ZNF382: variants seen among roughly 807,000 people sequenced by gnomAD.
The protein encoded by ZNF382 is KRAB/zinc finger suppressor protein 1.
In ZNF382, 20 loss-of-function variants were observed where a neutral mutation model predicts 38.8. The ratio of observed to expected loss-of-function variants is 0.51; its 90% CI spans 0.36 to 0.75. ZNF382 has a LOEUF of 0.75. ZNF382 is among the 30% of genes least tolerant of loss of function. The pLI is 0.00. For synonymous variants in ZNF382, 202 were observed against 223.1 expected (o/e 0.91, Z 0.84); for missense variants, 546 against 654.1 (o/e 0.83, Z 1.80).
intron 1 of ZNF382, among the ~76,000 whole-genome samples, chr19:36,607,074 T>C (rs1277699267): frequency 2.9e-5 from 4 of 137,420 alleles, no homozygotes; most frequent in African/African-American, 5.5e-5. Context: ...TGAAACTCTG[T>C]CTCAAAAAAA....
intron 4 of ZNF382, 40 bp downstream of exon 4, chr19:36,610,782 A>C: frequency 6.9e-7 from 1 of 1,455,284 alleles, no homozygotes; most frequent in African/African-American, 1.4e-5. Flanking sequence ...TTAAATGTCA[A>C]GTAGTTGAAG....
At chr19:36,617,309 A>G (rs2037132947) in intron 4 of ZNF382, among the ~76,000 whole-genome samples, 2 of 152,186 alleles carry the variant, frequency 1.3e-5, no homozygotes, top group African/African-American at 4.8e-5. Context: ...CCAACTTCAT[A>G]TAAACAAGAG....
In ZNF382 at chr19:36,626,672, C is replaced by A; in HGVS notation, c.775C>A (p.Pro259Thr). The A allele has an allele frequency of 6.2e-7, 1 of 1,613,972 alleles. No individual in the cohort carries two copies. Among genetic ancestry groups the A allele is most frequent in the Non-Finnish European group, 8.5e-7 (1 of 1,180,002 alleles). The change falls in exon 5 of 5, where the codon CCA (proline) becomes ACA (threonine). Residue 259 changes from proline to threonine, a missense_variant. Pro to Thr is a conservative substitution (Grantham distance 38, BLOSUM62 -1). Transcript: ENST00000292928. ...FIEKSSLSVH[P>T]SNLMEKKPSA... ...AGAAAAGTCAAGCCTCAGTGTCCAT[C>A]CAAGTAATCTTATGGAAAAGAAGCC...
rs761340724 is a variant in ZNF382 at position 36,610,677 on chromosome 19, T to C, written c.167T>C (p.Ile56Thr). 6.2e-7 allele frequency: 1 copy of C among 1,613,482 alleles called. No homozygotes were observed. ...TTTCACATGGCTAAGCCTGATATGA[T>C]CCGCAAGTTGGAACAAGGAGAAGAG... is the stretch of plus-strand genomic sequence containing the variant. ...VGFHMAKPDMIRKLEQGEELW... is the reference protein window; with the variant it reads ...VGFHMAKPDMTRKLEQGEELW... Residue 56 changes from isoleucine to threonine, a missense_variant, in exon 4 of 5, where the codon ATC becomes ACC. Ile to Thr is a moderately conservative substitution (Grantham distance 89). Coordinates refer to ENST00000292928, the MANE Select transcript of ZNF382 (RefSeq NM_032825.5).
chr19:36,618,348 T>C (rs1025411521), intron 4 of ZNF382, among the ~76,000 whole-genome samples: 2 of 152,226 alleles, frequency 1.3e-5, no homozygotes, highest in Non-Finnish European at 2.9e-5. Context: ...CTAGCTTTCT[T>C]TCCTCTTTGG....
chr19:36,620,639 T>C (rs1568630397), intron 4 of ZNF382, among the ~76,000 whole-genome samples: 1 of 152,248 alleles, frequency 6.6e-6, no homozygotes, highest in Non-Finnish European at 1.5e-5. Context: ...ACTGTAGTGG[T>C]ATATTTTAAT....
chr19:36,624,359 A>G (rs2145333253), intron 4 of ZNF382, among the ~76,000 whole-genome samples: 1 of 152,302 alleles, frequency 6.6e-6, no homozygotes, highest in South Asian at 2.1e-4. Context: ...TCTATTGTGT[A>G]ATACATGACA....
chr19:36,610,194 G>A (rs1428961213), intron 3 of ZNF382, 141 bp downstream of exon 3: 24 of 1,064,024 alleles, frequency 2.3e-5, no homozygotes, highest in Non-Finnish European at 2.9e-5. Context: ...AGTGGCTCAC[G>A]CCTGTAATCC....
chr19:36,607,841 C>T (rs1239916942), intron 2 of ZNF382: 1 of 521,434 alleles, frequency 1.9e-6, no homozygotes. Flanking sequence ...TTCTAGGTGC[C>T]TCACCTGCCT....
chr19:36,627,569 TA>T lies in ZNF382; in HGVS notation c.*26del. 1 of 1,564,264 alleles carries T rather than the reference TA, an allele frequency of 6.4e-7. No homozygotes were observed. Among genetic ancestry groups the T allele is most frequent in the Non-Finnish European group, 8.8e-7 (1 of 1,141,466 alleles). On this transcript the variant is annotated 3_prime_UTR_variant, in exon 5 of 5. Transcript: ENST00000292928. ...TCAGTAAGTAATGTGGCTTTTTTTG[TA>T]AAAAAATGTTAAGTCATAGTAAACC...
chr19:36,617,469 G>A (rs2037134187), intron 4 of ZNF382, among the ~76,000 whole-genome samples: 1 of 152,162 alleles, frequency 6.6e-6, no homozygotes, highest in Admixed American at 6.5e-5. Context: ...TGAAGACCAA[G>A]GCTCAAAAGG....
intron 4 of ZNF382, among the ~76,000 whole-genome samples, chr19:36,612,887 G>T (rs2037089989): frequency 6.6e-6 from 1 of 152,136 alleles, no homozygotes; most frequent in Admixed American, 6.6e-5. Context: ...TGCCTCCCGG[G>T]TTCAAGCAAT....
At chr19:36,625,249 G>T (rs867590246) in intron 4 of ZNF382, among the ~76,000 whole-genome samples, 1 of 150,690 alleles carries the variant, frequency 6.6e-6, no homozygotes, top group African/African-American at 2.4e-5. Context: ...AATAAATTAC[G>T]GTTATATGGA....
chr19:36,626,041 G>A, intron 4 of ZNF382, 89 bp from the exon 5 acceptor site: 1 of 889,558 alleles, frequency 1.1e-6, no homozygotes, highest in Non-Finnish European at 1.6e-6. Flanking sequence ...TCACGGTAGT[G>A]AGATAGTCCC....
At position 36,627,423 on chromosome 19, in the gene ZNF382, G is replaced by A. The variant is rs761308870; in HGVS notation, c.1526G>A (p.Arg509His). 6.2e-6 allele frequency: 10 copies of A among 1,613,650 alleles called. No individual in the cohort carries two copies. The highest frequency in any genetic ancestry group is 5.1e-6 in the Non-Finnish European group (6 of 1,179,942). ...KAFSRKSNLI[R>H]HQKTHTGEKP... ...TTCAGTAGGAAATCAAACCTCATTC[G>A]CCATCAGAAAACTCACACAGGCGAG... Residue 509 changes from arginine to histidine, a missense_variant, in exon 5 of 5, where the codon CGC becomes CAC. Coordinates refer to ENST00000292928, the MANE Select transcript of ZNF382 (RefSeq NM_032825.5).
In ZNF382 at chr19:36,632,646, G is replaced by A. The variant is rs765833082; in HGVS notation, c.*5096G>A. The stretch of plus-strand genomic sequence containing the variant: ...AATATCAGACTTTAACTAGTACCTT[G>A]TATAGCTCACTGGCCTTATCCCAAC... On this transcript the variant is annotated 3_prime_UTR_variant, in exon 5 of 5. Coordinates refer to ENST00000292928, the MANE Select transcript of ZNF382 (RefSeq NM_032825.5). 6.6e-6 allele frequency: 1 copy of A among 152,324 alleles called. No homozygotes were observed. The highest frequency in any genetic ancestry group is 6.5e-5 in the Admixed American group (1 of 15,300). The allele number at this position is 152,324 out of a possible 1,614,324, so 9.4% of individuals were successfully genotyped here.
At chr19:36,613,004 G>A (rs866482293) in intron 4 of ZNF382, among the ~76,000 whole-genome samples, 1 of 152,082 alleles carries the variant, frequency 6.6e-6, no homozygotes, top group South Asian at 2.1e-4. Context: ...TTTTGGCCAG[G>A]CTGGTCTCAA....
At chr19:36,606,574 T>G (rs1446071250) in intron 1 of ZNF382, among the ~76,000 whole-genome samples, 1 of 151,444 alleles carries the variant, frequency 6.6e-6, no homozygotes. Flanking sequence ...CAGGCTGGTC[T>G]TGAACTCCTG....
intron 4 of ZNF382, among the ~76,000 whole-genome samples, chr19:36,625,421 T>G (rs1307908982): frequency 6.6e-6 from 1 of 151,946 alleles, no homozygotes; most frequent in African/African-American, 2.4e-5. Context: ...GCTTTTCATC[T>G]CTTCCTAAAT....
Sources: allele counts gnomAD v4.1 joint callset (sites outside exome capture counted in the v4.1 genomes callset), GRCh38; gene constraint gnomAD v4.1.1; transcripts MANE v1.5; gene names NCBI Gene and HGNC (gene_info 2026-07-23, HGNC 2026-07-21).